Variants in LHFPL3 observed in about 807,000 individuals in gnomAD.
The protein encoded by LHFPL3 is LHFPL tetraspan subfamily member 3 protein.
A neutral mutation model predicts 19.3 loss-of-function variants in LHFPL3; 5 were observed. The ratio of observed to expected loss-of-function variants is 0.26; its 90% CI spans 0.14 to 0.54. The LOEUF (loss-of-function observed/expected upper bound fraction) is 0.54. Ranked by LOEUF, LHFPL3 falls within the 20% of genes least tolerant of loss-of-function variation. LHFPL3 has a pLI of 0.94. For missense variants in LHFPL3, 249 were observed against 307.4 expected (o/e 0.81, Z 1.42); for synonymous variants, 133 against 126.2 (o/e 1.05, Z -0.36).
intron 1 of LHFPL3, among the ~76,000 whole-genome samples, chr7:104,370,902 G>T (rs916240414): frequency 6.6e-6 from 1 of 152,124 alleles, no homozygotes; most frequent in Non-Finnish European, 1.5e-5. Flanking sequence ...TGAGGATATT[G>T]AGGCAGAGAA....
chr7:104,534,627 A>T (rs954895603), intron 1 of LHFPL3, among the ~76,000 whole-genome samples: 2 of 152,200 alleles, frequency 1.3e-5, no homozygotes, highest in African/African-American at 4.8e-5. Flanking sequence ...CACTAATTCA[A>T]TGTATTCCTT....
At chr7:104,621,661 T>C (rs1791448637) in intron 1 of LHFPL3, among the ~76,000 whole-genome samples, 2 of 152,218 alleles carry the variant, frequency 1.3e-5, no homozygotes, top group Admixed American at 1.3e-4. Context: ...GTTATCTGTC[T>C]CACAAGGGGG....
At chr7:104,408,864 C>CTTTTTTTTTTTTTTTTTTTTTT (rs561975535) in intron 1 of LHFPL3, among the ~76,000 whole-genome samples, 2 of 105,436 alleles carry the variant, frequency 1.9e-5, no homozygotes, top group Non-Finnish European at 1.8e-5. Context: ...AATTTTCTTT[C>CTTTTTTTTTTTTTTTTTTTTTT]TTTTTTTTTT....
intron 1 of LHFPL3, among the ~76,000 whole-genome samples, chr7:104,330,062 T>C (rs11770570): frequency 0.075 from 11,465 of 152,294 alleles, 477 homozygotes; most frequent in Middle Eastern, 0.099. Context: ...AGCTGGAGGA[T>C]ATGAAAGTAC....
At chr7:104,497,992 T>C (rs1793521020) in intron 1 of LHFPL3, among the ~76,000 whole-genome samples, 1 of 152,026 alleles carries the variant, frequency 6.6e-6, no homozygotes, top group African/African-American at 2.4e-5. Context: ...AGGCCTGGGT[T>C]TTAGGGAGGT....
At chr7:104,893,684 G>A (rs541682690) in intron 2 of LHFPL3, among the ~76,000 whole-genome samples, 1 of 152,230 alleles carries the variant, frequency 6.6e-6, no homozygotes, top group Admixed American at 6.5e-5. Context: ...CAGTGCAGTG[G>A]CTCACGCCTG....
At chr7:104,669,839 T>A (rs1420580865) in intron 1 of LHFPL3, among the ~76,000 whole-genome samples, 1 of 152,206 alleles carries the variant, frequency 6.6e-6, no homozygotes, top group African/African-American at 2.4e-5. Flanking sequence ...TATGTCACCA[T>A]GCAGTTGCCA....
chr7:104,711,516 T>C (rs796474120), intron 1 of LHFPL3, among the ~76,000 whole-genome samples: 7 of 152,324 alleles, frequency 4.6e-5, no homozygotes, highest in African/African-American at 1.7e-4. Context: ...GTGGATTGCG[T>C]CCTGCAGTAA....
chr7:104,506,717 T>C lies in LHFPL3; in HGVS notation c.445+177493T>C, dbSNP rs563292902. Among the ~76,000 whole-genome samples, 78 of 152,330 alleles carry C rather than the reference T, an allele frequency of 5.1e-4. 3 individuals are homozygous for C. The South Asian group carries it at 0.015, about 29-fold the overall frequency. On this transcript the variant is annotated intron_variant, in intron 1 of 2. Transcript: ENST00000424859. Reference sequence around the variant, plus strand: ...CATACAGACAGTGAAATAGCTGTGATTCAAACATTTGGTCATGGAACGCAA... The same window carrying C: ...CATACAGACAGTGAAATAGCTGTGACTCAAACATTTGGTCATGGAACGCAA...
At chr7:104,386,225 C>T (rs1470542417) in intron 1 of LHFPL3, among the ~76,000 whole-genome samples, 1 of 152,136 alleles carries the variant, frequency 6.6e-6, no homozygotes, top group Non-Finnish European at 1.5e-5. Flanking sequence ...AGTCCCATTC[C>T]CAGGGCATTG....
chr7:104,498,688 G>A (rs1329312817), intron 1 of LHFPL3, among the ~76,000 whole-genome samples: 1 of 152,042 alleles, frequency 6.6e-6, no homozygotes, highest in Non-Finnish European at 1.5e-5. Context: ...ATGTTGACCA[G>A]GTTGGTCTCG....
At chr7:104,862,346 G>A (rs115318747) in intron 2 of LHFPL3, among the ~76,000 whole-genome samples, 1,641 of 152,148 alleles carry the variant, frequency 0.011, 33 homozygotes, top group African/African-American at 0.038. Flanking sequence ...ACTAATCTTA[G>A]GAGCTACTAC....
intron 1 of LHFPL3, among the ~76,000 whole-genome samples, chr7:104,719,586 A>G (rs1793449241): frequency 6.6e-6 from 1 of 152,204 alleles, no homozygotes; most frequent in African/African-American, 2.4e-5. Flanking sequence ...GTGAAATTCT[A>G]GTGTAAATAA....
intron 1 of LHFPL3, among the ~76,000 whole-genome samples, chr7:104,412,384 G>T (rs930100904): frequency 2.6e-5 from 4 of 152,074 alleles, no homozygotes; most frequent in African/African-American, 9.7e-5. Flanking sequence ...CCTTCTGTGT[G>T]ATCAGCCCAT....
chr7:104,591,386 C>G (rs1210391814), intron 1 of LHFPL3, among the ~76,000 whole-genome samples: 1 of 152,158 alleles, frequency 6.6e-6, no homozygotes, highest in Admixed American at 6.5e-5. Context: ...CTTAGTTTGG[C>G]TGGATATGAA....
chr7:104,872,354 T>C (rs1301188002), intron 2 of LHFPL3, among the ~76,000 whole-genome samples: 15 of 144,816 alleles, frequency 1.0e-4, no homozygotes, highest in Middle Eastern at 3.9e-3. Context: ...AAAAAAAAAG[T>C]AAGACACAGG....
intron 1 of LHFPL3, among the ~76,000 whole-genome samples, chr7:104,454,253 T>A (rs149437361): frequency 6.6e-6 from 1 of 152,212 alleles, no homozygotes; most frequent in Non-Finnish European, 1.5e-5. Flanking sequence ...GTTGTTGAAG[T>A]GAAAGGAATG....
intron 2 of LHFPL3, among the ~76,000 whole-genome samples, chr7:104,842,963 G>C (rs1052162229): frequency 6.6e-6 from 1 of 152,206 alleles, no homozygotes; most frequent in Non-Finnish European, 1.5e-5. Flanking sequence ...GTGTCTCTCT[G>C]TGCTCCAGAG....
chr7:104,605,881 A>AC (rs989529167), intron 1 of LHFPL3, among the ~76,000 whole-genome samples: 16 of 150,534 alleles, frequency 1.1e-4, no homozygotes, highest in Non-Finnish European at 1.5e-4. Context: ...GAAAAAAAAA[A>AC]ACAACAAGAA....
Sources: gnomAD v4.1 joint callset for allele counts (sites outside exome capture counted in the v4.1 genomes callset) on GRCh38, gnomAD v4.1.1 for gene constraint, MANE v1.5 for transcripts, NCBI Gene and HGNC (gene_info 2026-07-23, HGNC 2026-07-21) for gene names.